Variants in UBE2F observed in about 807,000 individuals in gnomAD.
The protein encoded by UBE2F is NEDD8-conjugating enzyme UBE2F.
Under a neutral mutation model 29.6 loss-of-function variants are expected in UBE2F, and 5 were observed. The observed-to-expected ratio is 0.17, with a 90% confidence interval of 0.09 to 0.36. The LOEUF (loss-of-function observed/expected upper bound fraction) is 0.36, where lower values mean the gene tolerates loss of function less well. Ranked by LOEUF, UBE2F falls within the 10% of genes least tolerant of loss-of-function variation. The pLI is 1.00. For missense variants in UBE2F, 141 were observed against 228.5 expected (o/e 0.62, Z 2.47); for synonymous variants, 66 against 81.8 (o/e 0.81, Z 1.04).
chr2:238,030,527 A>G, intron 6 of UBE2F, 29 bp from the exon 7 acceptor site: 4 of 1,597,956 alleles, frequency 2.5e-6, no homozygotes, highest in Non-Finnish European at 3.4e-6. Flanking sequence ...GCTGCTCCTC[A>G]CTAACCACTG....
intron 3 of UBE2F, among the ~76,000 whole-genome samples, chr2:237,988,833 C>T (rs1019302808): frequency 3.9e-5 from 6 of 152,100 alleles, no homozygotes; most frequent in Non-Finnish European, 2.9e-5. Context: ...AACTTGTCTG[C>T]ATGTTTGAGG....
At chr2:238,016,831 G>A (rs2875817) in intron 5 of UBE2F, among the ~76,000 whole-genome samples, 198 bp downstream of exon 5, 130,673 of 152,158 alleles carry the variant, frequency 0.86, 56,262 homozygotes, top group East Asian at 0.97. Flanking sequence ...CGTTTATTCA[G>A]CAAATACTTA....
intron 4 of UBE2F, among the ~76,000 whole-genome samples, chr2:237,999,191 T>C (rs954816046): frequency 1.4e-4 from 22 of 151,986 alleles, no homozygotes; most frequent in Admixed American, 7.9e-4. Context: ...CAGGCGATTC[T>C]CAGGCCTCAG....
chr2:238,029,657 A>G (rs1279687124), intron 6 of UBE2F, among the ~76,000 whole-genome samples: 1 of 151,638 alleles, frequency 6.6e-6, no homozygotes. Context: ...CATTGTTGTT[A>G]ACCTGCATCA....
intron 2 of UBE2F, among the ~76,000 whole-genome samples, chr2:237,976,169 T>C (rs1233711488): frequency 6.6e-6 from 1 of 152,230 alleles, no homozygotes; most frequent in Non-Finnish European, 1.5e-5. Context: ...GTGTGCCTGA[T>C]AGGACTTGAG....
intron 3 of UBE2F, among the ~76,000 whole-genome samples, chr2:237,993,176 C>CG (rs1195086212): frequency 2.6e-5 from 4 of 151,848 alleles, no homozygotes; most frequent in Admixed American, 6.6e-5. Flanking sequence ...TTAGTAGAGA[C>CG]GGGGTTTCAC....
chr2:238,006,001 G>A (rs1170523108), intron 4 of UBE2F, among the ~76,000 whole-genome samples: 2 of 152,122 alleles, frequency 1.3e-5, no homozygotes, highest in Non-Finnish European at 2.9e-5. Flanking sequence ...TCAATTTGGG[G>A]AGAATTGCTG....
chr2:237,999,820 C>CTTTT (rs3054481), intron 4 of UBE2F, among the ~76,000 whole-genome samples: 80 of 119,874 alleles, frequency 6.7e-4, no homozygotes, highest in African/African-American at 2.5e-3. Flanking sequence ...TGATGTTGTT[C>CTTTT]TTTTTTTTTT....
chr2:237,974,757 C>T (rs2063245446), intron 2 of UBE2F, among the ~76,000 whole-genome samples: 1 of 150,544 alleles, frequency 6.6e-6, no homozygotes, highest in African/African-American at 2.4e-5. Context: ...TCAGGTGATC[C>T]GCCCGCCTCG....
At chr2:237,989,205 CT>C (rs1348786400) in intron 3 of UBE2F, among the ~76,000 whole-genome samples, 3 of 152,016 alleles carry the variant, frequency 2.0e-5, no homozygotes, top group Non-Finnish European at 4.4e-5. Context: ...CTAGAGAGAA[CT>C]TAGGATTGGA....
chr2:238,026,762 GTGCCCATT>G (rs1224108931), intron 6 of UBE2F, among the ~76,000 whole-genome samples: 1 of 152,114 alleles, frequency 6.6e-6, no homozygotes, highest in African/African-American at 2.4e-5. Flanking sequence ...AGTACAGTTA[GTGCCCATT>G]TGCCCATTTC....
At chr2:237,983,385 C>T (rs1026666205) in intron 2 of UBE2F, among the ~76,000 whole-genome samples, 1 of 152,248 alleles carries the variant, frequency 6.6e-6, no homozygotes, top group Non-Finnish European at 1.5e-5. Flanking sequence ...CTCCCTTTCT[C>T]TAGCTCCTCC....
chr2:237,994,109 CTT>C (rs34177204), intron 3 of UBE2F, among the ~76,000 whole-genome samples: 213 of 122,324 alleles, frequency 1.7e-3, no homozygotes, highest in Admixed American at 3.2e-3. Context: ...TCTTCTTCTT[CTT>C]TTTTTTTTTT....
At chr2:237,985,377 A>C (rs2063460719) in intron 2 of UBE2F, among the ~76,000 whole-genome samples, 2 of 146,960 alleles carry the variant, frequency 1.4e-5, no homozygotes, top group Admixed American at 6.8e-5. Flanking sequence ...CCCCTTCCCC[A>C]CTCCCATGCC....
intron 5 of UBE2F, among the ~76,000 whole-genome samples, chr2:238,021,283 G>T (rs1467576657): frequency 6.6e-6 from 1 of 152,216 alleles, no homozygotes; most frequent in Non-Finnish European, 1.5e-5. Context: ...AGAGACACTT[G>T]TTGAACAGCA....
chr2:238,038,222 G>A (rs112113937), intron 9 of UBE2F, among the ~76,000 whole-genome samples: 3,396 of 152,326 alleles, frequency 0.022, 133 homozygotes, highest in African/African-American at 0.078. Context: ...GGCAGAGCAG[G>A]CCATCTTCTG....
intron 4 of UBE2F, among the ~76,000 whole-genome samples, chr2:238,012,754 G>A (rs932060868): frequency 6.6e-6 from 1 of 152,154 alleles, no homozygotes; most frequent in Non-Finnish European, 1.5e-5. Flanking sequence ...TAGGTGAGAC[G>A]TGGAACTGGT....
intron 3 of UBE2F, 73 bp from the exon 4 acceptor site, chr2:237,994,671 G>A (rs982967490): frequency 1.8e-5 from 22 of 1,249,230 alleles, no homozygotes; most frequent in Non-Finnish European, 2.6e-5. Flanking sequence ...CTTTACACGT[G>A]TTCAAAGGTT....
chr2:238,027,102 G>A (rs74881417), intron 6 of UBE2F, among the ~76,000 whole-genome samples: 3,127 of 152,262 alleles, frequency 0.021, 109 homozygotes, highest in African/African-American at 0.072. Flanking sequence ...CCCTTTTGCC[G>A]TCTTCTGGGA....
Sources: allele counts gnomAD v4.1 joint callset (sites outside exome capture counted in the v4.1 genomes callset), GRCh38; gene constraint gnomAD v4.1.1; transcripts MANE v1.5; gene names NCBI Gene and HGNC (gene_info 2026-07-23, HGNC 2026-07-21).